USP28: variants seen among roughly 807,000 people sequenced by gnomAD.
The protein encoded by USP28 is ubiquitin carboxyl-terminal hydrolase 28.
USP28 carries 113 observed loss-of-function variants against 145.0 expected under a neutral mutation model. The ratio of observed to expected loss-of-function variants is 0.78; its 90% CI spans 0.67 to 0.91. The LOEUF (loss-of-function observed/expected upper bound fraction) is 0.91, where lower values mean the gene tolerates loss of function less well. Ranked by LOEUF, USP28 falls within the 40% of genes least tolerant of loss-of-function variation. The pLI is 0.00. For synonymous variants in USP28, 447 were observed against 450.9 expected, an observed-to-expected ratio of 0.99 and a Z score of 0.11; for missense variants, 1,201 against 1,289.6, an observed-to-expected ratio of 0.93 and a Z score of 1.05.
At chr11:113,809,387 A>G (rs1239354720) in intron 16 of USP28, 133 bp from the exon 17 acceptor site, 2 of 862,900 alleles carry the variant, frequency 2.3e-6, no homozygotes, top group Non-Finnish European at 3.6e-6. Flanking sequence ...TCCATCAGAA[A>G]TGCAGGCTGA....
At chr11:113,808,561 GC>G in intron 17 of USP28, 124 bp from the exon 18 acceptor site, 6 of 1,021,712 alleles carry the variant, frequency 5.9e-6, no homozygotes, top group Non-Finnish European at 8.0e-6. Context: ...TTTTACAAAA[GC>G]CTATGCAGAT....
chr11:113,841,466 C>T (rs45616037), intron 4 of USP28, among the ~76,000 whole-genome samples, 197 bp downstream of exon 4: 30 of 152,296 alleles, frequency 2.0e-4, no homozygotes, highest in Middle Eastern at 3.4e-3. Flanking sequence ...CAAAGACACA[C>T]GATGCAATAA....
intron 1 of USP28, among the ~76,000 whole-genome samples, chr11:113,861,601 C>A (rs893062591): frequency 6.6e-6 from 1 of 152,086 alleles, no homozygotes; most frequent in Admixed American, 6.6e-5. Flanking sequence ...CTAAGAGATT[C>A]CAATAGTACA....
At chr11:113,836,257 T>C (rs1412022058) in intron 5 of USP28, among the ~76,000 whole-genome samples, 3 of 152,112 alleles carry the variant, frequency 2.0e-5, no homozygotes, top group Non-Finnish European at 2.9e-5. Context: ...TCCTTGAATC[T>C]TTCTCCTCGC....
In USP28 at chr11:113,808,454, C is replaced by G; in HGVS notation, c.2165-17G>C. 1 of 1,611,594 alleles carries G rather than the reference C, an allele frequency of 6.2e-7. No individual in the cohort carries two copies. The stretch of plus-strand genomic sequence containing the variant: ...CTGAAGGCTCTGATAAAGAATTGAA[C>G]AAAGGTCTTAGCATCTAATGATAAA... On this transcript the variant is annotated splice_polypyrimidine_tract_variant and intron_variant, in intron 17 of 24. Coordinates refer to ENST00000003302, the Ensembl canonical transcript of USP28.
chr11:113,851,321 A>G (rs1375348549), intron 3 of USP28, among the ~76,000 whole-genome samples: 1 of 152,188 alleles, frequency 6.6e-6, no homozygotes, highest in Non-Finnish European at 1.5e-5. Context: ...AGCAAAAGCT[A>G]GTACTTAGGA....
chr11:113,851,017 C>A (rs1290394020), intron 3 of USP28, among the ~76,000 whole-genome samples: 1 of 152,138 alleles, frequency 6.6e-6, no homozygotes, highest in Non-Finnish European at 1.5e-5. Flanking sequence ...GCTTCAGTTG[C>A]TTAGGAAAAA....
intron 11 of USP28, among the ~76,000 whole-genome samples, chr11:113,826,086 C>A (rs60306158): frequency 1.3e-5 from 2 of 151,884 alleles, no homozygotes; most frequent in Admixed American, 1.3e-4. Context: ...GGATTGAGAC[C>A]ATCCTGGCCA....
At chr11:113,858,835 C>T (rs563539433) in intron 1 of USP28, among the ~76,000 whole-genome samples, 1 of 152,212 alleles carries the variant, frequency 6.6e-6, no homozygotes, top group Non-Finnish European at 1.5e-5. Context: ...GTCCCAAACT[C>T]TTACCTCAAG....
chr11:113,859,528 A>G (rs1273505488), intron 1 of USP28: 1 of 152,076 alleles, frequency 6.6e-6, no homozygotes, highest in Non-Finnish European at 1.5e-5. Flanking sequence ...TACAAATGCT[A>G]TGACATGACC....
chr11:113,827,402 T>C (rs201057255), intron 10 of USP28, 42 bp from the exon 11 acceptor site: 1 of 1,536,992 alleles, frequency 6.5e-7, no homozygotes. Context: ...AAAAATTAAT[T>C]TTAGGAAATT....
exon 25 of USP28, chr11:113,799,089 A>G (rs1938448378): frequency 1.2e-6 from 1 of 855,098 alleles, no homozygotes; most frequent in Admixed American, 3.1e-5. Context: ...TTTTATTTTC[A>G]ATCCTTCTTT....
intron 18 of USP28, among the ~76,000 whole-genome samples, chr11:113,807,564 C>T (rs1940220409): frequency 6.6e-6 from 1 of 152,068 alleles, no homozygotes; most frequent in South Asian, 2.1e-4. Flanking sequence ...TTGTTTAGCT[C>T]ACTGGACAAC....
intron 19 of USP28, among the ~76,000 whole-genome samples, 166 bp from the exon 21 acceptor site, chr11:113,805,212 T>TAATGCAAGTTTCATAA (rs1939736736): frequency 1.3e-5 from 2 of 151,442 alleles, no homozygotes; most frequent in Admixed American, 1.3e-4. Flanking sequence ...TTGCATTTCA[T>TAATGCAAGTTTCATAA]AAGGGATGAA....
intron 3 of USP28, among the ~76,000 whole-genome samples, chr11:113,849,201 T>A (rs1201580882): frequency 1.3e-5 from 2 of 152,070 alleles, no homozygotes; most frequent in Admixed American, 6.6e-5. Context: ...AGAAAGCCTC[T>A]TTTCCCCTAG....
chr11:113,814,886 T>TA (rs11330248), intron 14 of USP28, among the ~76,000 whole-genome samples: 323 of 139,812 alleles, frequency 2.3e-3, no homozygotes, highest in East Asian at 6.4e-3. Context: ...CCATCTCTAC[T>TA]AAAAAAAAAA....
exon 25 of USP28, chr11:113,799,177 A>G: frequency 1.3e-6 from 2 of 1,554,076 alleles, no homozygotes; most frequent in Non-Finnish European, 1.7e-6. Flanking sequence ...GCACTATGAC[A>G]ACGAACTTCT....
At chr11:113,805,194 T>G in intron 19 of USP28, 148 bp from the exon 21 acceptor site, 1 of 765,790 alleles carries the variant, frequency 1.3e-6, no homozygotes, top group Non-Finnish European at 2.0e-6. Context: ...ATGGAATTTT[T>G]AAGTTTCTTG....
intron 1 of USP28, chr11:113,875,012 G>A (rs900109280): frequency 2.0e-5 from 15 of 740,896 alleles, no homozygotes; most frequent in Middle Eastern, 6.7e-4. Context: ...GACTTTAAGT[G>A]AGATAACTTC....
Sources: allele counts gnomAD v4.1 joint callset (sites outside exome capture counted in the v4.1 genomes callset), GRCh38; gene constraint gnomAD v4.1.1; transcripts MANE v1.5; gene names NCBI Gene and HGNC (gene_info 2026-07-23, HGNC 2026-07-21).